NRXN3: variants seen among roughly 807,000 people sequenced by gnomAD.
The protein encoded by NRXN3 is neurexin III.
NRXN3 carries 32 observed loss-of-function variants against 137.6 expected under a neutral mutation model. That is an observed-to-expected ratio of 0.23 (90% confidence interval 0.18 to 0.31). The LOEUF is 0.31. Among genes scored for constraint, NRXN3 ranks in the 10% least tolerant of loss-of-function variants. NRXN3 has a pLI of 1.00. For synonymous variants in NRXN3, 798 were observed against 784.5 expected, an observed-to-expected ratio of 1.02 and a Z score of -0.29; for missense variants, 1,574 against 2,062.5, an observed-to-expected ratio of 0.76 and a Z score of 4.59.
intron 4 of NRXN3, among the ~76,000 whole-genome samples, chr14:78,382,704 C>T (rs955622462): frequency 6.6e-6 from 1 of 152,194 alleles, no homozygotes; most frequent in Non-Finnish European, 1.5e-5. Context: ...TGGCTACTGG[C>T]ACCTATTCCT....
intron 20 of NRXN3, among the ~76,000 whole-genome samples, chr14:79,819,789 G>T (rs2099265727): frequency 6.6e-6 from 1 of 151,518 alleles, no homozygotes; most frequent in South Asian, 2.1e-4. Context: ...GGCCCTAAAA[G>T]TTCATCTTTA....
chr14:79,340,619 C>T (rs2092556995), intron 15 of NRXN3, among the ~76,000 whole-genome samples: 1 of 152,156 alleles, frequency 6.6e-6, no homozygotes, highest in Non-Finnish European at 1.5e-5. Context: ...GCATGCACCA[C>T]CACGCCCGGC....
chr14:79,280,807 C>A (rs890512809), intron 15 of NRXN3: 29 of 437,672 alleles, frequency 6.6e-5, no homozygotes, highest in Non-Finnish European at 4.2e-6. Context: ...AGACACCACA[C>A]TCTCTCTTTT....
intron 16 of NRXN3, among the ~76,000 whole-genome samples, chr14:79,569,607 G>GT (rs1004107005): frequency 2.1e-5 from 3 of 143,284 alleles, no homozygotes; most frequent in Non-Finnish European, 4.5e-5. Context: ...AGCAACGTGT[G>GT]TGTGTGTGTG....
At chr14:78,262,053 C>T (rs1242306927) in intron 2 of NRXN3, among the ~76,000 whole-genome samples, 2 of 152,008 alleles carry the variant, frequency 1.3e-5, no homozygotes, top group Admixed American at 6.6e-5. Flanking sequence ...TAATGAAAAC[C>T]AGGGTAGTCA....
chr14:78,717,464 G>T lies in NRXN3; in HGVS notation c.2044+2325G>T, dbSNP rs1023233655. ...CTATACATCGCTCAAATCCCAGACG[G>T]TTCAACTGATTGTTTTGTTCCCCTA... On this transcript the variant is annotated intron_variant, in intron 8 of 20. Transcript: ENST00000335750. Among the ~76,000 whole-genome samples the T allele has an allele frequency of 2.0e-5, 3 of 152,228 alleles. No individual in the cohort carries two copies. The East Asian group carries it at 5.8e-4, about 29-fold the overall frequency.
At chr14:78,838,352 A>AT (rs909995322) in intron 10 of NRXN3, among the ~76,000 whole-genome samples, 103 of 152,268 alleles carry the variant, frequency 6.8e-4, no homozygotes, top group South Asian at 1.2e-3. Context: ...ATTTCTACAG[A>AT]TTTTTTTATT....
rs182357353 is a variant in NRXN3, at chr14:78,655,330, G to T, written c.1221+4004G>T. On this transcript the variant is annotated intron_variant, in intron 6 of 20. Transcript: ENST00000335750. ...TAATAATTATTAAGGATTATATATT[G>T]CATTGTATAAAATAGTTTACAAATA... Among the ~76,000 whole-genome samples, 3 of 152,228 alleles carry T rather than the reference G, an allele frequency of 2.0e-5. 1 individual carries two copies. The highest frequency in any genetic ancestry group is 4.4e-5 in the Non-Finnish European group (3 of 68,016).
chr14:79,762,710 G>T (rs2099042798), intron 19 of NRXN3, among the ~76,000 whole-genome samples: 1 of 151,624 alleles, frequency 6.6e-6, no homozygotes, highest in Non-Finnish European at 1.5e-5. Flanking sequence ...CATGGTTATT[G>T]GTTTCGTGCG....
At chr14:78,458,227 AC>A (rs1423479156) in intron 4 of NRXN3, among the ~76,000 whole-genome samples, 1 of 152,212 alleles carries the variant, frequency 6.6e-6, no homozygotes, top group East Asian at 1.9e-4. Context: ...TATGCAACCA[AC>A]CCAGAAAAAA....
At chr14:79,108,851 C>T (rs60958288) in intron 15 of NRXN3, among the ~76,000 whole-genome samples, 6,564 of 152,114 alleles carry the variant, frequency 0.043, 519 homozygotes, top group African/African-American at 0.15. Flanking sequence ...AAATTTTTTA[C>T]GCTGCTGTCA....
intron 15 of NRXN3, among the ~76,000 whole-genome samples, chr14:79,272,420 G>T (rs2079495481): frequency 6.6e-6 from 1 of 151,846 alleles, no homozygotes; most frequent in Admixed American, 6.6e-5. Flanking sequence ...TAGTTCAGAG[G>T]TACAGTCACA....
intron 15 of NRXN3, among the ~76,000 whole-genome samples, chr14:79,177,773 G>C (rs1229608692): frequency 6.6e-6 from 1 of 152,198 alleles, no homozygotes; most frequent in Non-Finnish European, 1.5e-5. Flanking sequence ...ACGAAAATGA[G>C]AGAAAATAGT....
chr14:78,946,247 C>T (rs951048003), intron 10 of NRXN3, among the ~76,000 whole-genome samples: 1 of 152,118 alleles, frequency 6.6e-6, no homozygotes, highest in African/African-American at 2.4e-5. Flanking sequence ...AATGTACCTT[C>T]CAAGGAAAGT....
intron 11 of NRXN3, among the ~76,000 whole-genome samples, chr14:78,958,408 T>C (rs1030252358): frequency 6.6e-6 from 1 of 151,014 alleles, no homozygotes; most frequent in Non-Finnish European, 1.5e-5. Flanking sequence ...CAGGCTGGAG[T>C]GCAGTGGCGC....
At chr14:79,347,491 G>A (rs879628504) in intron 15 of NRXN3, among the ~76,000 whole-genome samples, 11 of 149,278 alleles carry the variant, frequency 7.4e-5, no homozygotes, top group Non-Finnish European at 1.0e-4. Flanking sequence ...GCGTGATCTC[G>A]GCTCACTACT....
chr14:78,416,030 C>T (rs1452908849), intron 4 of NRXN3, among the ~76,000 whole-genome samples: 1 of 152,088 alleles, frequency 6.6e-6, no homozygotes, highest in African/African-American at 2.4e-5. Flanking sequence ...AATTGGTGCA[C>T]CGTCAATTCT....
At chr14:78,644,677 T>G (rs1325484873) in intron 4 of NRXN3, among the ~76,000 whole-genome samples, 1 of 152,156 alleles carries the variant, frequency 6.6e-6, no homozygotes, top group Non-Finnish European at 1.5e-5. Flanking sequence ...TAATTTATTT[T>G]TAGTTATTGG....
intron 20 of NRXN3, among the ~76,000 whole-genome samples, chr14:79,839,970 T>G (rs140415007): frequency 6.2e-5 from 9 of 145,630 alleles, no homozygotes; most frequent in African/African-American, 1.7e-4. Flanking sequence ...TCTGGAAGCA[T>G]GTATGTATGT....
Sources: gnomAD v4.1 joint callset for allele counts (sites outside exome capture counted in the v4.1 genomes callset) on GRCh38, gnomAD v4.1.1 for gene constraint, MANE v1.5 for transcripts, NCBI Gene and HGNC (gene_info 2026-07-23, HGNC 2026-07-21) for gene names.